Variants in TBL1X observed in about 807,000 individuals in gnomAD.
TBL1X encodes transducin beta like 1 X-linked.
In TBL1X, 10 loss-of-function variants were observed where a neutral mutation model predicts 50.7. The ratio of observed to expected loss-of-function variants is 0.20; its 90% CI spans 0.12 to 0.33. The LOEUF is 0.33. TBL1X is among the 10% of genes least tolerant of loss of function. The pLI, the probability that TBL1X is intolerant of heterozygous loss-of-function variation, is 1.00. For synonymous variants in TBL1X, 190 were observed against 214.7 expected, an observed-to-expected ratio of 0.88 and a Z score of 1.01; for missense variants, 340 against 504.4, an observed-to-expected ratio of 0.67 and a Z score of 3.12.
intron 2 of TBL1X, among the ~76,000 whole-genome samples, chrX:9,598,624 C>T (rs1445511469): frequency 8.9e-6 from 1 of 112,189 alleles, no homozygotes. Flanking sequence ...GGCAAAGCCA[C>T]GTGCATAAGT....
chrX:9,630,124 C>G (rs2082713458), intron 2 of TBL1X, among the ~76,000 whole-genome samples: 1 of 111,603 alleles, frequency 9.0e-6, no homozygotes, highest in African/African-American at 3.3e-5. Flanking sequence ...TGCTCTGTCT[C>G]CTGGAGGGGC....
chrX:9,471,605 G>A (rs1223429819), intron 1 of TBL1X, among the ~76,000 whole-genome samples: 2 of 112,007 alleles, frequency 1.8e-5, no homozygotes, highest in South Asian at 3.7e-4. Context: ...AGTTAGTTGC[G>A]CATTTTAGTT....
chrX:9,536,089 A>G (rs1264203696), intron 2 of TBL1X, among the ~76,000 whole-genome samples: 2 of 111,833 alleles, frequency 1.8e-5, no homozygotes, highest in Non-Finnish European at 3.8e-5. Context: ...GTGAGCAGGC[A>G]TAGGCAGTCT....
In TBL1X at chrX:9,656,777, A is replaced by C. The variant is rs2521592; in HGVS notation, c.211+2455A>C. ...CCTACAAGGTTGTATTCAAAGGAAG[A>C]AGGGAGCAAAGAAATACTTAATGTT... On this transcript the variant is annotated intron_variant, in intron 5 of 17. Coordinates refer to ENST00000645353, the MANE Select transcript of TBL1X (RefSeq NM_005647.4). 5.4e-5 allele frequency among the ~76,000 whole-genome samples: 6 copies of C among 110,981 alleles called. No homozygotes were observed. The Admixed American group carries it at 5.7e-4, about 11-fold the overall frequency.
At chrX:9,538,766 G>T (rs886356352) in intron 2 of TBL1X, among the ~76,000 whole-genome samples, 1 of 112,693 alleles carries the variant, frequency 8.9e-6, no homozygotes, top group African/African-American at 3.2e-5. Flanking sequence ...AGGTGTTTCC[G>T]TTCTCTGATG....
At chrX:9,611,309 T>C (rs755460419) in intron 2 of TBL1X, among the ~76,000 whole-genome samples, 1 of 112,737 alleles carries the variant, frequency 8.9e-6, no homozygotes, top group African/African-American at 3.2e-5. Context: ...ACACTCTGTC[T>C]TCATTCAGCA....
At chrX:9,715,214 C>G (rs1242912378) in intron 17 of TBL1X, among the ~76,000 whole-genome samples, 1 of 112,235 alleles carries the variant, frequency 8.9e-6, no homozygotes, top group African/African-American at 3.2e-5. Flanking sequence ...TCAACATTTT[C>G]TCAGTCAAAT....
intron 12 of TBL1X, among the ~76,000 whole-genome samples, chrX:9,704,752 C>T (rs999814211): frequency 2.7e-5 from 3 of 110,644 alleles, no homozygotes; most frequent in Middle Eastern, 4.7e-3. Flanking sequence ...ATTAGCTAGG[C>T]GTGATGGCAT....
At chrX:9,634,712 G>A (rs192550090) in intron 2 of TBL1X, among the ~76,000 whole-genome samples, 27 of 110,933 alleles carry the variant, frequency 2.4e-4, no homozygotes, top group African/African-American at 8.5e-4. Flanking sequence ...GTGTGGAGCC[G>A]TTTTTCAGAT....
intron 2 of TBL1X, among the ~76,000 whole-genome samples, chrX:9,587,255 C>A (rs2082475007): frequency 8.9e-6 from 1 of 112,048 alleles, no homozygotes; most frequent in African/African-American, 3.3e-5. Context: ...GCGGCTTGCG[C>A]TTGGAGCTTT....
intron 1 of TBL1X, among the ~76,000 whole-genome samples, chrX:9,497,747 T>TCCCC (rs2081978375): frequency 4.8e-5 from 1 of 20,663 alleles, no homozygotes. Flanking sequence ...TGTTCCTCCC[T>TCCCC]CCCTCCCTCC....
chrX:9,607,024 T>C (rs967740136), intron 2 of TBL1X, among the ~76,000 whole-genome samples: 1 of 112,679 alleles, frequency 8.9e-6, no homozygotes, highest in African/African-American at 3.2e-5. Context: ...TCACAAAGTT[T>C]ACAGAGTTTT....
intron 2 of TBL1X, among the ~76,000 whole-genome samples, chrX:9,567,097 G>A (rs2082355094): frequency 8.9e-6 from 1 of 111,799 alleles, no homozygotes; most frequent in South Asian, 3.7e-4. Flanking sequence ...CGGGTCATGG[G>A]AGTTTGTCAG....
intron 3 of TBL1X, among the ~76,000 whole-genome samples, chrX:9,646,720 T>A (rs765936293): frequency 2.7e-5 from 3 of 112,282 alleles, no homozygotes; most frequent in Non-Finnish European, 5.6e-5. Context: ...GCCTAACTAA[T>A]GACACTCACT....
At chrX:9,637,038 AT>A (rs1396917152) in intron 2 of TBL1X, 1 of 112,197 alleles carries the variant, frequency 8.9e-6, no homozygotes, top group African/African-American at 3.2e-5. Context: ...GCCTAGGTCT[AT>A]TTCCAGACAC....
chrX:9,602,112 G>C (rs1454217306), intron 2 of TBL1X, among the ~76,000 whole-genome samples: 3 of 112,195 alleles, frequency 2.7e-5, no homozygotes, highest in Non-Finnish European at 5.6e-5. Context: ...ATTACAATAT[G>C]ATTTTGTTTC....
chrX:9,472,848 G>A (rs2081825803), intron 1 of TBL1X, among the ~76,000 whole-genome samples: 1 of 109,957 alleles, frequency 9.1e-6, no homozygotes, highest in Non-Finnish European at 1.9e-5. Flanking sequence ...TGGAGGTGGA[G>A]CTTGCAGTGA....
intron 2 of TBL1X, among the ~76,000 whole-genome samples, chrX:9,599,276 A>G (rs2082542573): frequency 9.0e-6 from 1 of 111,676 alleles, no homozygotes; most frequent in South Asian, 3.8e-4. Context: ...CTCCAGTCAC[A>G]TTGGCTTAGA....
rs148788609 is a variant in TBL1X, at chrX:9,700,820, C to T, written c.1114+3391C>T. The stretch of plus-strand genomic sequence containing the variant: ...GCCTCGTGGTGGAGTGAAACTCGGC[C>T]GCAGAAAGGAATGAACTATTGATGC... On this transcript the variant is annotated intron_variant, in intron 12 of 17. Coordinates refer to ENST00000645353, the MANE Select transcript of TBL1X (RefSeq NM_005647.4). Among the ~76,000 whole-genome samples the T allele has an allele frequency of 5.9e-3, 657 of 111,581 alleles. 3 individuals are homozygous for T. The highest frequency in any genetic ancestry group is 0.019 in the African/African-American group (594 of 30,685).
Sources: allele counts gnomAD v4.1 joint callset (sites outside exome capture counted in the v4.1 genomes callset), GRCh38; gene constraint gnomAD v4.1.1; transcripts MANE v1.5; gene names NCBI Gene and HGNC (gene_info 2026-07-23, HGNC 2026-07-21).